CERKL: variants seen among roughly 807,000 people sequenced by gnomAD.
CERKL encodes ceramide kinase-like protein.
CERKL carries 61 observed loss-of-function variants against 63.4 expected under a neutral mutation model. That is an observed-to-expected ratio of 0.96 (90% CI 0.78 to 1.19). The LOEUF (loss-of-function observed/expected upper bound fraction) is 1.19. CERKL is among the 50% of genes most tolerant of loss of function. The probability of loss-of-function intolerance (pLI) is 0.00; values close to 1 mark genes in which losing one functional copy is unlikely to be tolerated. For synonymous variants in CERKL, 250 were observed against 230.5 expected, an observed-to-expected ratio of 1.08 and a Z score of -0.77; for missense variants, 675 against 655.5, an observed-to-expected ratio of 1.03 and a Z score of -0.33.
intron 1 of CERKL, among the ~76,000 whole-genome samples, chr2:181,644,208 G>A (rs547922672): frequency 6.6e-6 from 1 of 152,320 alleles, no homozygotes; most frequent in East Asian, 1.9e-4. Flanking sequence ...ACTGGGGGTT[G>A]GCCCCACTGG....
chr2:181,635,282 G>A (rs1191377690), intron 1 of CERKL, among the ~76,000 whole-genome samples: 1 of 151,570 alleles, frequency 6.6e-6, no homozygotes, highest in Non-Finnish European at 1.5e-5. Context: ...CAGAAGCTAG[G>A]GTACCAAGAC....
chr2:181,556,502 T>C (rs188859799), intron 5 of CERKL, among the ~76,000 whole-genome samples: 1 of 152,266 alleles, frequency 6.6e-6, no homozygotes, highest in African/African-American at 2.4e-5. Flanking sequence ...TGTTTCGTTT[T>C]TTGTCCTTGT....
chr2:181,554,554 C>T, intron 5 of CERKL, among the ~76,000 whole-genome samples: 1 of 152,002 alleles, frequency 6.6e-6, no homozygotes, highest in Admixed American at 6.6e-5. Context: ...GCTTTTTTCT[C>T]CATTCCCCCT....
At chr2:181,624,530 TAAAACAAACA>T (rs1286123229) in intron 1 of CERKL, among the ~76,000 whole-genome samples, 1 of 152,076 alleles carries the variant, frequency 6.6e-6, no homozygotes, top group Non-Finnish European at 1.5e-5. Flanking sequence ...GACCCAATCT[TAAAACAAACA>T]AAAACGAAAT....
At position 181,537,272 on chromosome 2, in the gene CERKL, CTACTCAGAAA is replaced by C; in HGVS notation, c.*902_*911del. 2.2e-6 allele frequency: 1 copy of C among 453,428 alleles called. No individual in the cohort carries two copies. 28.1% of individuals were successfully genotyped at this position (453,428 alleles called of 1,614,324 possible). On this transcript the variant is annotated 3_prime_UTR_variant, in exon 13 of 13. Transcript: ENST00000410087. The stretch of plus-strand genomic sequence containing the variant: ...ACATTTGGTTCTTTCCTACTCAGAA[CTACTCAGAAA>C]CAACTATATATTTCAGGTTATCTGA...
At chr2:181,546,651 A>C (rs549307322) in intron 10 of CERKL, among the ~76,000 whole-genome samples, 1 of 151,986 alleles carries the variant, frequency 6.6e-6, no homozygotes, top group South Asian at 2.1e-4. Flanking sequence ...TTTCTCCTAC[A>C]CTCTACAGGA....
At chr2:181,651,619 A>G (rs1198002679) in intron 1 of CERKL, among the ~76,000 whole-genome samples, 1 of 152,196 alleles carries the variant, frequency 6.6e-6, no homozygotes, top group East Asian at 1.9e-4. Context: ...CAAGGAAAGG[A>G]TGGCCACTTA....
intron 2 of CERKL, among the ~76,000 whole-genome samples, chr2:181,603,306 A>G (rs767867628): frequency 2.0e-5 from 3 of 152,204 alleles, no homozygotes; most frequent in Non-Finnish European, 2.9e-5. Context: ...ATACGCTTCT[A>G]AAAACAACTC....
intron 1 of CERKL, among the ~76,000 whole-genome samples, chr2:181,629,488 T>A (rs1686857792): frequency 6.6e-6 from 1 of 152,070 alleles, no homozygotes. Context: ...AACTTTTCAG[T>A]ATGGAAGGTA....
chr2:181,592,965 A>G (rs568906092), intron 2 of CERKL, among the ~76,000 whole-genome samples: 1 of 152,258 alleles, frequency 6.6e-6, no homozygotes, highest in South Asian at 2.1e-4. Flanking sequence ...TCAAAGGGCT[A>G]AAGAGTTTGG....
intron 1 of CERKL, among the ~76,000 whole-genome samples, chr2:181,607,782 T>C (rs1211866420): frequency 1.3e-5 from 2 of 152,168 alleles, no homozygotes; most frequent in African/African-American, 4.8e-5. Flanking sequence ...CCTCACCCTA[T>C]GATGGACTAC....
intron 5 of CERKL, among the ~76,000 whole-genome samples, chr2:181,557,651 T>C (rs1185779476): frequency 6.6e-6 from 1 of 152,174 alleles, no homozygotes; most frequent in Non-Finnish European, 1.5e-5. Flanking sequence ...TGAATCCTCC[T>C]GGAACAAGCT....
In CERKL at chr2:181,604,004, C is replaced by T. The variant is rs529313774; in HGVS notation, c.314G>A (p.Arg105Gln). 7.4e-5 allele frequency: 120 copies of T among 1,612,408 alleles called. No homozygotes were observed. Among genetic ancestry groups the T allele is most frequent in the African/African-American group, 3.1e-4 (23 of 74,920 alleles). ...LKDIFSVKLKRRCSVKQQRSG... is the reference protein window; with the variant it reads ...LKDIFSVKLKQRCSVKQQRSG... ...TCTCTGCTGTTTAACAGAACAACGC[C>T]GTTTCAGTTTCACAGAGAATATGTC... Residue 105 changes from arginine (R) to glutamine (Q), a missense_variant, in exon 2 of 13, where the codon CGG becomes CAG. Coordinates refer to ENST00000410087, the MANE Select transcript of CERKL (RefSeq NM_201548.5).
chr2:181,577,756 T>C (rs1463121233), intron 2 of CERKL, among the ~76,000 whole-genome samples: 2 of 152,072 alleles, frequency 1.3e-5, no homozygotes, highest in African/African-American at 4.8e-5. Flanking sequence ...GAGGTAAGAA[T>C]TGTTTGCAGC....
intron 5 of CERKL, among the ~76,000 whole-genome samples, chr2:181,552,962 T>C (rs1688052266): frequency 6.6e-6 from 1 of 152,200 alleles, no homozygotes; most frequent in Admixed American, 6.5e-5. Context: ...GTGGTTTGTA[T>C]GCACAGTGAC....
intron 2 of CERKL, among the ~76,000 whole-genome samples, chr2:181,591,715 G>A (rs1241037438): frequency 6.6e-6 from 1 of 152,098 alleles, no homozygotes; most frequent in African/African-American, 2.4e-5. Flanking sequence ...GAGAGACACA[G>A]GGAAGAATCT....
intron 2 of CERKL, among the ~76,000 whole-genome samples, chr2:181,596,986 AT>A (rs1685241272): frequency 1.3e-5 from 2 of 151,948 alleles, no homozygotes; most frequent in African/African-American, 2.4e-5. Context: ...TATATTTTCA[AT>A]TTCTCTTTTT....
At chr2:181,629,992 A>G (rs1377053869) in intron 1 of CERKL, among the ~76,000 whole-genome samples, 1 of 148,952 alleles carries the variant, frequency 6.7e-6, no homozygotes, top group Non-Finnish European at 1.5e-5. Context: ...AAGAAGCCTC[A>G]CCTCACTATT....
chr2:181,539,064 CAATAAGCGGTGAA>C lies in CERKL; in HGVS notation c.1538+15_1538+27del. Reference sequence around the variant, plus strand: ...TATTAGATTTATGTTTACTGGTTGACAATAAGCGGTGAAATAAATAGACTTACCTAATATGGAC... The same window carrying C: ...TATTAGATTTATGTTTACTGGTTGACATAAATAGACTTACCTAATATGGAC... On this transcript the variant is annotated intron_variant, in intron 12 of 12. Coordinates refer to ENST00000410087, the MANE Select transcript of CERKL (RefSeq NM_201548.5). 1 of 793,768 alleles carries C rather than the reference CAATAAGCGGTGAA, an allele frequency of 1.3e-6. No homozygotes were observed. The highest frequency in any genetic ancestry group is 1.8e-6 in the Non-Finnish European group (1 of 568,012). The allele number at this position is 793,768 out of a possible 1,614,324, so 49.2% of individuals were successfully genotyped here. A position where few individuals can be genotyped will look rare whatever the true frequency, so the allele number is the denominator to read the frequency against.
Sources: allele counts gnomAD v4.1 joint callset (sites outside exome capture counted in the v4.1 genomes callset), GRCh38; gene constraint gnomAD v4.1.1; transcripts MANE v1.5; gene names NCBI Gene and HGNC (gene_info 2026-07-23, HGNC 2026-07-21).